TANC2: variants seen among roughly 807,000 people sequenced by gnomAD.
The protein encoded by TANC2 is tetratricopeptide repeat, ankyrin repeat and coiled-coil containing 2, also known as protein TANC2.
Under a neutral mutation model 210.5 loss-of-function variants are expected in TANC2, and 26 were observed. The observed-to-expected ratio is 0.12, with a 90% CI of 0.09 to 0.17. The LOEUF (loss-of-function observed/expected upper bound fraction) is 0.17, where lower values mean the gene tolerates loss of function less well. TANC2 is among the 10% of genes least tolerant of loss of function. The probability of loss-of-function intolerance (pLI) is 1.00; values close to 1 mark genes in which losing one functional copy is unlikely to be tolerated. For missense variants in TANC2, 2,129 were observed against 2,608.9 expected (o/e 0.82, Z 4.01); for synonymous variants, 931 against 967.1 (o/e 0.96, Z 0.69).
chr17:63,291,730 T>G (rs1403087984), intron 9 of TANC2, among the ~76,000 whole-genome samples: 1 of 152,210 alleles, frequency 6.6e-6, no homozygotes, highest in Admixed American at 6.5e-5. Context: ...AACATACATT[T>G]CCTCGTTTAA....
At chr17:63,300,725 A>G (rs2044685209) in intron 9 of TANC2, among the ~76,000 whole-genome samples, 1 of 152,206 alleles carries the variant, frequency 6.6e-6, no homozygotes, top group Non-Finnish European at 1.5e-5. Context: ...TCTTCTGCAA[A>G]CAGACAATTT....
At chr17:63,271,612 C>T (rs2043711061) in intron 9 of TANC2, among the ~76,000 whole-genome samples, 1 of 151,356 alleles carries the variant, frequency 6.6e-6, no homozygotes. Flanking sequence ...ACCCTTGCCC[C>T]CCCCATCCCC....
At chr17:63,211,005 C>G (rs8065101) in intron 7 of TANC2, among the ~76,000 whole-genome samples, 11,567 of 152,132 alleles carry the variant, frequency 0.076, 1,385 homozygotes, top group African/African-American at 0.25. Flanking sequence ...TCCTCCCTCT[C>G]TTTATATTTC....
At chr17:63,352,612 A>G (rs1329202739) in intron 13 of TANC2, among the ~76,000 whole-genome samples, 1 of 152,204 alleles carries the variant, frequency 6.6e-6, no homozygotes, top group Non-Finnish European at 1.5e-5. Flanking sequence ...ACATATTCTC[A>G]CATAATATCA....
intron 11 of TANC2, among the ~76,000 whole-genome samples, chr17:63,323,361 C>T (rs999480882): frequency 1.3e-5 from 2 of 152,146 alleles, no homozygotes; most frequent in Non-Finnish European, 2.9e-5. Flanking sequence ...AACTTTAGAA[C>T]TATTTCATTT....
At chr17:63,323,677 T>C (rs1480533677) in intron 11 of TANC2, among the ~76,000 whole-genome samples, 12 of 152,228 alleles carry the variant, frequency 7.9e-5, no homozygotes, top group Admixed American at 5.9e-4. Flanking sequence ...ATTTGCTATA[T>C]CATTTCTTCA....
chr17:63,245,806 G>A (rs574115809), intron 8 of TANC2, among the ~76,000 whole-genome samples: 1 of 148,212 alleles, frequency 6.7e-6, no homozygotes, highest in East Asian at 2.0e-4. Flanking sequence ...TCGTGCCACT[G>A]CACTCCAGCC....
chr17:63,175,851 C>A (rs535372997), intron 5 of TANC2, among the ~76,000 whole-genome samples: 99 of 152,134 alleles, frequency 6.5e-4, no homozygotes, highest in Non-Finnish European at 1.3e-3. Flanking sequence ...CTTGAAACAA[C>A]CACCATTTTA....
intron 4 of TANC2, among the ~76,000 whole-genome samples, chr17:63,140,399 A>G (rs757281563): frequency 1.3e-5 from 2 of 152,162 alleles, no homozygotes; most frequent in Admixed American, 6.6e-5. Context: ...AATGTTGGCA[A>G]CTCTCCAGGG....
At chr17:63,019,477 C>T (rs1325799389) in intron 2 of TANC2, among the ~76,000 whole-genome samples, 2 of 152,098 alleles carry the variant, frequency 1.3e-5, no homozygotes, top group Admixed American at 6.5e-5. Flanking sequence ...TTTGGCCTCC[C>T]GAAGTGCTGG....
chr17:63,038,000 T>G (rs908929533), intron 2 of TANC2, among the ~76,000 whole-genome samples: 12 of 152,164 alleles, frequency 7.9e-5, no homozygotes, highest in Admixed American at 5.2e-4. Context: ...CTTTCCAGTA[T>G]GTATGCTCTT....
rs1243530887 is a variant in TANC2 at position 63,069,517 on chromosome 17, A to G, written c.68-4426A>G. ...CAGAAGAAGATGTTACTTTGACCTCAGTTTTACAGATGAAAACACTGAGAC... is the reference window on the plus strand; with the variant it reads ...CAGAAGAAGATGTTACTTTGACCTCGGTTTTACAGATGAAAACACTGAGAC... On this transcript the variant is annotated intron_variant, in intron 2 of 27. Transcript: ENST00000689528. Among the ~76,000 whole-genome samples, 4 of 152,196 alleles carry G rather than the reference A, an allele frequency of 2.6e-5. No individual in the cohort carries two copies. In the East Asian group the frequency reaches 5.8e-4, roughly 22 times the overall value.
chr17:62,977,538 T>G (rs957938563), intron 1 of TANC2, among the ~76,000 whole-genome samples: 4 of 152,244 alleles, frequency 2.6e-5, no homozygotes, highest in African/African-American at 9.6e-5. Context: ...TTTGGATATG[T>G]TAAATGTAGG....
intron 5 of TANC2, among the ~76,000 whole-genome samples, chr17:63,187,671 C>T (rs2041041769): frequency 6.6e-6 from 1 of 151,846 alleles, no homozygotes; most frequent in Admixed American, 6.6e-5. Flanking sequence ...ACAAGAAGTT[C>T]AATGAATCCT....
chr17:63,198,723 G>A (rs564996400), intron 6 of TANC2, among the ~76,000 whole-genome samples: 1 of 151,766 alleles, frequency 6.6e-6, no homozygotes, highest in Admixed American at 6.6e-5. Flanking sequence ...TGTCACAAGT[G>A]ATATTACTGT....
At chr17:63,287,473 G>A (rs1281438195) in intron 9 of TANC2, among the ~76,000 whole-genome samples, 1 of 152,016 alleles carries the variant, frequency 6.6e-6, no homozygotes, top group Non-Finnish European at 1.5e-5. Context: ...CTGATGTTGT[G>A]AATTTTAGCT....
At chr17:63,331,870 G>C (rs372966418) in intron 11 of TANC2, 46 of 199,896 alleles carry the variant, frequency 2.3e-4, no homozygotes, top group African/African-American at 8.7e-4. Context: ...GTGTGTGTGT[G>C]TGTGTGTGTG....
At chr17:63,081,757 T>C (rs1296156558) in intron 3 of TANC2, among the ~76,000 whole-genome samples, 3 of 152,216 alleles carry the variant, frequency 2.0e-5, no homozygotes, top group Non-Finnish European at 4.4e-5. Context: ...CAGAACATAT[T>C]AAATAGACTA....
At chr17:63,142,895 A>T (rs2039336983) in intron 4 of TANC2, among the ~76,000 whole-genome samples, 1 of 152,088 alleles carries the variant, frequency 6.6e-6, no homozygotes, top group African/African-American at 2.4e-5. Flanking sequence ...TTCTCTTTAA[A>T]TTGTGTAGCC....
Sources: allele counts gnomAD v4.1 joint callset (sites outside exome capture counted in the v4.1 genomes callset), GRCh38; gene constraint gnomAD v4.1.1; transcripts MANE v1.5; gene names NCBI Gene and HGNC (gene_info 2026-07-23, HGNC 2026-07-21).